The following LMX1B variants were observed in gnomAD, a reference collection of about 807,000 sequenced individuals.
The protein encoded by LMX1B is LIM homeobox transcription factor 1 beta.
LMX1B carries 12 observed loss-of-function variants against 51.4 expected under a neutral mutation model. That is an observed-to-expected ratio of 0.23 (90% CI 0.15 to 0.38). The LOEUF (loss-of-function observed/expected upper bound fraction) is 0.38, where lower values mean the gene tolerates loss of function less well. Ranked by LOEUF, LMX1B falls within the 10% of genes least tolerant of loss-of-function variation. The probability of loss-of-function intolerance (pLI) is 1.00; values close to 1 mark genes in which losing one functional copy is unlikely to be tolerated. For missense variants in LMX1B, 445 were observed against 571.1 expected (o/e 0.78, Z 2.25); for synonymous variants, 237 against 235.4 (o/e 1.01, Z -0.06).
intron 2 of LMX1B, among the ~76,000 whole-genome samples, chr9:126,655,032 C>G (rs1173283294): frequency 6.6e-6 from 1 of 152,208 alleles, no homozygotes; most frequent in Non-Finnish European, 1.5e-5. Flanking sequence ...TGGGGCAAGT[C>G]CCTTTACCCT....
At chr9:126,688,086 G>A (rs1034807673) in intron 2 of LMX1B, among the ~76,000 whole-genome samples, 4 of 152,176 alleles carry the variant, frequency 2.6e-5, no homozygotes, top group Non-Finnish European at 5.9e-5. Context: ...TATAAAGTGC[G>A]CGCAGTTTGT....
At chr9:126,688,864 A>G (rs1405383590) in intron 2 of LMX1B, among the ~76,000 whole-genome samples, 1 of 152,148 alleles carries the variant, frequency 6.6e-6, no homozygotes, top group African/African-American at 2.4e-5. Flanking sequence ...CCCCTTGAGG[A>G]TCAGATGGGG....
chr9:126,663,251 A>AC (rs769078625), intron 2 of LMX1B, among the ~76,000 whole-genome samples: 6 of 151,860 alleles, frequency 4.0e-5, no homozygotes, highest in Non-Finnish European at 7.4e-5. Flanking sequence ...ACATGGTGAA[A>AC]CCCCATCTCT....
At chr9:126,617,006 G>C (rs1224414043) in intron 2 of LMX1B, among the ~76,000 whole-genome samples, 1 of 152,202 alleles carries the variant, frequency 6.6e-6, no homozygotes, top group Admixed American at 6.5e-5. Flanking sequence ...CTCTCAGTAG[G>C]AAGCACCCCA....
intron 2 of LMX1B, among the ~76,000 whole-genome samples, chr9:126,638,481 C>T (rs1254179582): frequency 6.6e-6 from 1 of 152,242 alleles, no homozygotes; most frequent in African/African-American, 2.4e-5. Flanking sequence ...CACCCGGCCC[C>T]CCACGTCCCA....
intron 2 of LMX1B, among the ~76,000 whole-genome samples, chr9:126,675,136 A>G (rs922491075): frequency 6.6e-6 from 1 of 151,894 alleles, no homozygotes; most frequent in South Asian, 2.1e-4. Flanking sequence ...GAAAGTGGAA[A>G]AAAATCCCAA....
chr9:126,691,016 C>T lies in LMX1B; in HGVS notation c.507C>T (p.Tyr169=), dbSNP rs368298608. 2.7e-5 allele frequency: 44 copies of T among 1,613,982 alleles called. No individual in the cohort carries two copies. Among genetic ancestry groups the T allele is most frequent in the Admixed American group, 1.2e-4 (7 of 59,994 alleles). ...KEGQLLCKGD[Y]EKEKDLLSSV... is the part of the protein sequence containing the mutation. ...GCCAGCTGCTGTGCAAGGGTGACTA[C>T]GAGAAGGAGAAGGACCTGCTCAGCT... Residue 169 remains tyrosine, a synonymous_variant, in exon 3 of 8, where the codon TAC becomes TAT. Transcript: ENST00000373474.
At position 126,698,167 on chromosome 9, in the gene LMX1B, A is replaced by G. The variant is rs116411474; in HGVS notation, c.*1716A>G. 3,799 of 152,536 alleles carry G rather than the reference A, an allele frequency of 0.025. 182 individuals carry two copies. Among genetic ancestry groups the G allele is most frequent in the African/African-American group, 0.087 (3,603 of 41,506 alleles). The allele number at this position is 152,536 out of a possible 1,614,324, so 9.4% of individuals were successfully genotyped here. On this transcript the variant is annotated 3_prime_UTR_variant, in exon 8 of 8. Coordinates refer to ENST00000373474, the MANE Select transcript of LMX1B (RefSeq NM_001174147.2). Reference sequence around the variant, plus strand: ...TGGGATTACAGGCGTGAGCCACCGCACCCAGTCTGCACTTACTGTTTAGAC... The same window carrying G: ...TGGGATTACAGGCGTGAGCCACCGCGCCCAGTCTGCACTTACTGTTTAGAC...
Position 126,696,650 on chromosome 9 carries a change from G to C in LMX1B, c.*199G>C. On this transcript the variant is annotated 3_prime_UTR_variant, in exon 8 of 8. Coordinates refer to ENST00000373474, the MANE Select transcript of LMX1B (RefSeq NM_001174147.2). The stretch of plus-strand genomic sequence containing the variant: ...GTAGATGGGCACAGCCTGGGCAGGG[G>C]CTGTGTCCTGCCCACAGAGACCTTG... 3.3e-6 allele frequency: 2 copies of C among 613,276 alleles called. No individual in the cohort carries two copies. The highest frequency in any genetic ancestry group is 3.9e-5 in the South Asian group (2 of 51,418). The allele number at this position is 613,276 out of a possible 1,614,324, so 38.0% of individuals were successfully genotyped here.
chr9:126,650,856 A>T (rs1047609670), intron 2 of LMX1B, among the ~76,000 whole-genome samples: 1 of 152,250 alleles, frequency 6.6e-6, no homozygotes, highest in Admixed American at 6.5e-5. Context: ...GTAATGGTTT[A>T]TGGCCCATAG....
intron 2 of LMX1B, among the ~76,000 whole-genome samples, chr9:126,689,792 C>T (rs111504705): frequency 2.0e-5 from 3 of 152,350 alleles, no homozygotes; most frequent in African/African-American, 4.8e-5. Context: ...GAGTTGCCTC[C>T]AGCATTTACT....
intron 2 of LMX1B, among the ~76,000 whole-genome samples, chr9:126,652,085 A>G (rs1836022234): frequency 1.3e-5 from 2 of 151,504 alleles, no homozygotes. Flanking sequence ...CTCACAACAG[A>G]GATCCAGTGG....
Position 126,696,553 on chromosome 9 carries a change from A to C in LMX1B, c.*102A>C. The C allele has an allele frequency of 7.1e-7, 1 of 1,406,638 alleles. No individual in the cohort carries two copies. The highest frequency in any genetic ancestry group is 2.3e-5 in the East Asian group (1 of 43,692). 87.1% of individuals were successfully genotyped at this position (1,406,638 alleles called of 1,614,324 possible). A position where few individuals can be genotyped will look rare whatever the true frequency, so the allele number is the denominator to read the frequency against. ...CCGCCCTGCTCTCCGCACAGACTACAGACAGCCATACGGTGCCCTCCCCTC... is the reference window on the plus strand; with the variant it reads ...CCGCCCTGCTCTCCGCACAGACTACCGACAGCCATACGGTGCCCTCCCCTC... On this transcript the variant is annotated 3_prime_UTR_variant, in exon 8 of 8. Coordinates refer to ENST00000373474, the MANE Select transcript of LMX1B (RefSeq NM_001174147.2).
chr9:126,676,417 AC>A (rs1836565265), intron 2 of LMX1B, among the ~76,000 whole-genome samples: 1 of 152,184 alleles, frequency 6.6e-6, no homozygotes, highest in African/African-American at 2.4e-5. Flanking sequence ...CGCACCTGGC[AC>A]ACAATAAGCA....
intron 2 of LMX1B, among the ~76,000 whole-genome samples, chr9:126,657,931 G>A (rs1836151066): frequency 6.6e-6 from 1 of 152,210 alleles, no homozygotes; most frequent in Non-Finnish European, 1.5e-5. Context: ...GCCAGAAGAA[G>A]GGGTGCCTGC....
At chr9:126,679,244 G>A (rs138638322) in intron 2 of LMX1B, among the ~76,000 whole-genome samples, 316 of 152,330 alleles carry the variant, frequency 2.1e-3, no homozygotes, top group African/African-American at 7.1e-3. Context: ...ACTACATGGC[G>A]TTTGGCACAG....
chr9:126,639,543 G>A (rs1484211810), intron 2 of LMX1B, among the ~76,000 whole-genome samples: 7 of 152,168 alleles, frequency 4.6e-5, no homozygotes, highest in African/African-American at 9.7e-5. Context: ...TAAAGACTTC[G>A]GGCCACCTAC....
chr9:126,614,323 C>T lies in LMX1B; in HGVS notation c.-127C>T, dbSNP rs1204926594. 1 of 547,556 alleles carries T rather than the reference C, an allele frequency of 1.8e-6. No individual in the cohort carries two copies. Among genetic ancestry groups the T allele is most frequent in the African/African-American group, 2.1e-5 (1 of 48,104 alleles). The allele number at this position is 547,556 out of a possible 1,614,324, so 33.9% of individuals were successfully genotyped here. A position where few individuals can be genotyped will look rare whatever the true frequency, so the allele number is the denominator to read the frequency against. On this transcript the variant is annotated 5_prime_UTR_variant, in exon 1 of 8. Coordinates refer to ENST00000373474, the MANE Select transcript of LMX1B (RefSeq NM_001174147.2). ...GTCGCCGCTCCACGATCGCCGGGGG[C>T]CGGCGCAACCCCTGCCCTGCGGGGG...
Position 126,697,596 on chromosome 9 carries a change from A to C in LMX1B, c.*1145A>C, listed in dbSNP as rs1017423881. 6.6e-6 allele frequency: 1 copy of C among 152,424 alleles called. No homozygotes were observed. The highest frequency in any genetic ancestry group is 1.5e-5 in the Non-Finnish European group (1 of 68,212). 9.4% of individuals were successfully genotyped at this position (152,424 alleles called of 1,614,324 possible). A position where few individuals can be genotyped will look rare whatever the true frequency, so the allele number is the denominator to read the frequency against. ...CAGCAGGCCTCCGGCTGTCCCTCTA[A>C]AGGTGTGGGGCAGGTATCACTTCAC... On this transcript the variant is annotated 3_prime_UTR_variant, in exon 8 of 8. Transcript: ENST00000373474.
Sources: allele counts gnomAD v4.1 joint callset (sites outside exome capture counted in the v4.1 genomes callset), GRCh38; gene constraint gnomAD v4.1.1; transcripts MANE v1.5; gene names NCBI Gene and HGNC (gene_info 2026-07-23, HGNC 2026-07-21).